Variants in RALGPS1 observed in about 807,000 individuals in gnomAD.
RALGPS1 encodes the protein Ral GEF with PH domain and SH3 binding motif 1, also known as ras-specific guanine nucleotide-releasing factor RalGPS1.
In RALGPS1, 19 loss-of-function variants were observed where a neutral mutation model predicts 78.8. The ratio of observed to expected loss-of-function variants is 0.24; its 90% CI spans 0.17 to 0.35. The LOEUF (loss-of-function observed/expected upper bound fraction) is 0.35. RALGPS1 is among the 10% of genes least tolerant of loss of function. RALGPS1 has a pLI of 1.00. For synonymous variants in RALGPS1, 228 were observed against 256.3 expected, an observed-to-expected ratio of 0.89 and a Z score of 1.06; for missense variants, 454 against 688.3, an observed-to-expected ratio of 0.66 and a Z score of 3.81.
rs1564558832 is a variant in RALGPS1, at chr9:127,091,310, GCAGTT to G, written c.610+21955_610+21959del. On this transcript the variant is annotated intron_variant, in intron 8 of 18. Transcript: ENST00000259351. The surrounding 1 kb of genome is among the most constrained non-coding windows in gnomAD (Gnocchi z 4.3). ...CCCAGGTGTGTGGCCCAGAGCCTAC[GCAGTT>G]GGTTAGCTCTATACCAGGTGCCTGG... Among the ~76,000 whole-genome samples the G allele has an allele frequency of 6.6e-6, 1 of 152,238 alleles. No individual in the cohort carries two copies. Among genetic ancestry groups the G allele is most frequent in the Non-Finnish European group, 1.5e-5 (1 of 68,042 alleles).
In RALGPS1 at chr9:127,221,335, T is replaced by G. The variant is rs2062768524; in HGVS notation, c.*2566T>G. On this transcript the variant is annotated 3_prime_UTR_variant, in exon 19 of 19. Coordinates refer to ENST00000259351, the MANE Select transcript of RALGPS1 (RefSeq NM_014636.3). ...AGTGTACAAATGTTCATAACGCCAT[T>G]GAAGGGATTATTTCTTGCATGCATA... The G allele has an allele frequency of 6.6e-6, 1 of 152,368 alleles. No individual in the cohort carries two copies. The highest frequency in any genetic ancestry group is 6.5e-5 in the Admixed American group (1 of 15,314). The allele number at this position is 152,368 out of a possible 1,614,324, so 9.4% of individuals were successfully genotyped here. A position where few individuals can be genotyped will look rare whatever the true frequency, so the allele number is the denominator to read the frequency against.
At chr9:126,955,113 C>T (rs1440758959) in intron 1 of RALGPS1, among the ~76,000 whole-genome samples, 1 of 152,230 alleles carries the variant, frequency 6.6e-6, no homozygotes, top group Non-Finnish European at 1.5e-5. Flanking sequence ...CTTCCTTGAC[C>T]ATCCTGGCAA....
chr9:127,059,116 C>T (rs984820979), intron 7 of RALGPS1, among the ~76,000 whole-genome samples: 5 of 152,118 alleles, frequency 3.3e-5, no homozygotes, highest in South Asian at 2.1e-4. Flanking sequence ...TATCACAGGA[C>T]GGCAGATGTA....
rs756786195 is a variant in RALGPS1, at chr9:127,004,808, A to G, written c.216+27063A>G. Among the ~76,000 whole-genome samples the G allele has an allele frequency of 4.6e-5, 7 of 152,226 alleles. 1 individual carries two copies. Among genetic ancestry groups the G allele is most frequent in the African/African-American group, 7.2e-5 (3 of 41,462 alleles). ...TTGTCAGTGGTTGCACGACATCTGC[A>G]AAGGAGAAGGAGCATCCACCTCCAG... On this transcript the variant is annotated intron_variant, in intron 4 of 18. Transcript: ENST00000259351.
chr9:127,094,346 G>A lies in RALGPS1; in HGVS notation c.610+24990G>A, dbSNP rs564779667. ...AAAAAGAGATGTGGACCTACTAAAC[G>A]TGGCAACATCAGTCAGTGCCTGCAG... On this transcript the variant is annotated intron_variant, in intron 8 of 18. Transcript: ENST00000259351. 5.3e-5 allele frequency among the ~76,000 whole-genome samples: 8 copies of A among 152,276 alleles called. No homozygotes were observed. In the East Asian group the frequency reaches 7.7e-4, roughly 15 times the overall value.
At chr9:127,075,416 C>T (rs1319993311) in intron 8 of RALGPS1, among the ~76,000 whole-genome samples, 1 of 152,188 alleles carries the variant, frequency 6.6e-6, no homozygotes, top group Non-Finnish European at 1.5e-5. Context: ...TGAAGCAAGA[C>T]CTCCTGAGGC....
At chr9:127,101,791 C>T (rs2053755381) in intron 8 of RALGPS1, among the ~76,000 whole-genome samples, 1 of 152,132 alleles carries the variant, frequency 6.6e-6, no homozygotes, top group South Asian at 2.1e-4. Context: ...TACTTAATTT[C>T]AACATTTAGG....
intron 5 of RALGPS1, among the ~76,000 whole-genome samples, chr9:127,043,531 G>A (rs2047499155): frequency 6.6e-6 from 1 of 152,120 alleles, no homozygotes; most frequent in African/African-American, 2.4e-5. Context: ...AAGAAAACCT[G>A]TATGACCTTG....
intron 4 of RALGPS1, among the ~76,000 whole-genome samples, chr9:126,989,013 C>T (rs1207276589): frequency 6.6e-6 from 1 of 152,130 alleles, no homozygotes; most frequent in Non-Finnish European, 1.5e-5. Context: ...GTGGGAGGAC[C>T]ACTTGAGCCT....
intron 8 of RALGPS1, among the ~76,000 whole-genome samples, chr9:127,127,904 C>G (rs547981672): frequency 1.3e-5 from 2 of 151,966 alleles, no homozygotes; most frequent in Non-Finnish European, 2.9e-5. Context: ...ACTTTAAGTT[C>G]TGGGGTATAT....
At chr9:127,041,632 G>A (rs1288027215) in intron 5 of RALGPS1, among the ~76,000 whole-genome samples, 3 of 152,182 alleles carry the variant, frequency 2.0e-5, no homozygotes, top group Admixed American at 2.0e-4. Context: ...GAGGGGTGAG[G>A]GTGGGAATTA....
chr9:127,155,193 G>A (rs1277907749), intron 8 of RALGPS1, among the ~76,000 whole-genome samples: 1 of 152,166 alleles, frequency 6.6e-6, no homozygotes, highest in Non-Finnish European at 1.5e-5. Flanking sequence ...GAAGGGAGTC[G>A]TGTATATTCC....
At chr9:127,049,932 T>C (rs1466802018) in intron 5 of RALGPS1, 111 bp from the exon 6 acceptor site, 1 of 796,300 alleles carries the variant, frequency 1.3e-6, no homozygotes, top group Non-Finnish European at 2.2e-6. Context: ...CCCAGTTTCC[T>C]GACCTCTTGG....
chr9:127,000,729 T>C (rs1403314789), intron 4 of RALGPS1, among the ~76,000 whole-genome samples: 1 of 151,262 alleles, frequency 6.6e-6, no homozygotes, highest in East Asian at 2.0e-4. Flanking sequence ...TTTTTTTGTA[T>C]TTTTAGTAGA....
At chr9:126,962,387 C>T (rs758889572) in intron 2 of RALGPS1, 41 bp downstream of exon 2, 1 of 1,599,720 alleles carries the variant, frequency 6.3e-7, no homozygotes, top group Non-Finnish European at 8.6e-7. Context: ...GTAGAGGGGT[C>T]TCCTTTCAGC....
intron 12 of RALGPS1, 110 bp downstream of exon 12, chr9:127,195,327 G>T: frequency 7.1e-7 from 1 of 1,405,970 alleles, no homozygotes; most frequent in Non-Finnish European, 9.6e-7. Context: ...GCCCTGTTCT[G>T]GGAGTTGCTG....
At chr9:127,021,151 G>A (rs1000942268) in intron 4 of RALGPS1, among the ~76,000 whole-genome samples, 6 of 152,136 alleles carry the variant, frequency 3.9e-5, no homozygotes, top group East Asian at 1.9e-4. Context: ...TACTCGGGAC[G>A]CTTAGGCAGG....
In RALGPS1 at chr9:127,073,466, CTGTG is replaced by C. The variant is rs58611833; in HGVS notation, c.610+4128_610+4131del. On this transcript the variant is annotated intron_variant, in intron 8 of 18. Coordinates refer to ENST00000259351, the MANE Select transcript of RALGPS1 (RefSeq NM_014636.3). Reference sequence around the variant, plus strand: ...CACCATTGTGTGTGTGTGTGTGTGTCTGTGTGTGTGTGTGTGTGTGTATAATATT... The same window carrying C: ...CACCATTGTGTGTGTGTGTGTGTGTCTGTGTGTGTGTGTGTGTATAATATT... 1.2e-3 allele frequency among the ~76,000 whole-genome samples: 166 copies of C among 143,024 alleles called. 2 individuals are homozygous for C. The highest frequency in any genetic ancestry group is 4.2e-3 in the African/African-American group (150 of 35,424). 93.8% of individuals were successfully genotyped at this position (143,024 alleles called of 152,430 possible).
chr9:127,196,106 C>T (rs1433886077), intron 12 of RALGPS1, among the ~76,000 whole-genome samples: 1 of 152,246 alleles, frequency 6.6e-6, no homozygotes, highest in Non-Finnish European at 1.5e-5. Context: ...AACATCAGAG[C>T]AAGGGTCTGG....
Sources: allele counts gnomAD v4.1 joint callset (sites outside exome capture counted in the v4.1 genomes callset), GRCh38; gene constraint gnomAD v4.1.1; non-coding constraint Gnocchi (gnomAD v3.1); transcripts MANE v1.5; gene names NCBI Gene and HGNC (gene_info 2026-07-23, HGNC 2026-07-21).